KCNH8: variants seen among roughly 807,000 people sequenced by gnomAD.
KCNH8 encodes potassium voltage-gated channel subfamily H member 8, also known as voltage-gated delayed rectifier potassium channel KCNH8.
A neutral mutation model predicts 103.6 loss-of-function variants in KCNH8; 70 were observed. That is an observed-to-expected ratio of 0.68 (90% CI 0.56 to 0.82). The LOEUF (loss-of-function observed/expected upper bound fraction) is 0.82. Among genes scored for constraint, KCNH8 ranks in the 40% least tolerant of loss-of-function variants. The pLI is 0.00. For missense variants in KCNH8, 1,217 were observed against 1,329.9 expected, an observed-to-expected ratio of 0.92 and a Z score of 1.32; for synonymous variants, 498 against 489.4, an observed-to-expected ratio of 1.02 and a Z score of -0.23.
intron 2 of KCNH8, among the ~76,000 whole-genome samples, chr3:19,272,260 G>C (rs1451253826): frequency 1.3e-5 from 2 of 152,110 alleles, no homozygotes; most frequent in Admixed American, 6.5e-5. Context: ...AGGAGGTTTG[G>C]TTCCCAGTAA....
chr3:19,477,261 TATC>T (rs2067995972), intron 11 of KCNH8, among the ~76,000 whole-genome samples: 1 of 152,146 alleles, frequency 6.6e-6, no homozygotes. Context: ...TGATGTAAAA[TATC>T]ATAATGCTCC....
intron 3 of KCNH8, among the ~76,000 whole-genome samples, chr3:19,324,422 C>T (rs1450249053): frequency 6.6e-6 from 1 of 152,158 alleles, no homozygotes; most frequent in Non-Finnish European, 1.5e-5. Context: ...CTCATGAGAA[C>T]TCACTCACTA....
rs557156477 is a variant in KCNH8 at position 19,278,330 on chromosome 3, A to G, written c.311-2868A>G. On this transcript the variant is annotated intron_variant, in intron 2 of 15. Transcript: ENST00000328405. ...AAAATTGAGAAAGAAAAGCATAAAT[A>G]TACCTGAATATTCGTAAGATTATTG... Among the ~76,000 whole-genome samples, 32 of 151,946 alleles carry G rather than the reference A, an allele frequency of 2.1e-4. No homozygotes were observed. In the South Asian group the frequency reaches 6.0e-3, roughly 29 times the overall value.
chr3:19,518,148 G>T (rs991602399), intron 15 of KCNH8, 74 bp downstream of exon 15: 3 of 1,164,960 alleles, frequency 2.6e-6, no homozygotes, highest in African/African-American at 3.0e-5. Context: ...CAGAAGCAGT[G>T]TAATATAGTA....
At chr3:19,456,246 TTTTA>T (rs2067530545) in intron 10 of KCNH8, among the ~76,000 whole-genome samples, 2 of 152,074 alleles carry the variant, frequency 1.3e-5, no homozygotes, top group African/African-American at 4.8e-5. Flanking sequence ...AAACTCTATT[TTTTA>T]TTTGACATAC....
At chr3:19,275,222 G>A (rs1421266745) in intron 2 of KCNH8, among the ~76,000 whole-genome samples, 1 of 151,962 alleles carries the variant, frequency 6.6e-6, no homozygotes, top group Non-Finnish European at 1.5e-5. Flanking sequence ...TATTCTGCCA[G>A]TGTTTTTTCA....
chr3:19,416,568 A>G (rs1283297432), intron 7 of KCNH8, among the ~76,000 whole-genome samples: 1 of 152,094 alleles, frequency 6.6e-6, no homozygotes, highest in African/African-American at 2.4e-5. Flanking sequence ...TTATTCCCTC[A>G]TGTGTTTTGT....
At chr3:19,406,306 G>A (rs2066690312) in intron 7 of KCNH8, among the ~76,000 whole-genome samples, 1 of 151,906 alleles carries the variant, frequency 6.6e-6, no homozygotes, top group African/African-American at 2.4e-5. Context: ...TTAACCTTCG[G>A]AGACTTTTAG....
chr3:19,198,030 G>A (rs2063619305), intron 1 of KCNH8, among the ~76,000 whole-genome samples: 2 of 152,030 alleles, frequency 1.3e-5, no homozygotes, highest in African/African-American at 4.8e-5. Flanking sequence ...TTTCGGAAAG[G>A]TTGGATTAAG....
At chr3:19,432,490 A>G (rs566235547) in intron 7 of KCNH8, among the ~76,000 whole-genome samples, 1 of 152,334 alleles carries the variant, frequency 6.6e-6, no homozygotes, top group South Asian at 2.1e-4. Context: ...CATATCAATA[A>G]TAAAATAATT....
intron 2 of KCNH8, among the ~76,000 whole-genome samples, chr3:19,274,263 G>A (rs1279065954): frequency 6.6e-6 from 1 of 152,136 alleles, no homozygotes; most frequent in East Asian, 1.9e-4. Context: ...ATGTTGATCA[G>A]GTTGATCAGT....
At position 19,533,716 on chromosome 3, in the gene KCNH8, G is replaced by T; in HGVS notation, c.2941G>T (p.Ala981Ser). ...QRTGAHEQNP[A>S]DSELYHSPSL... ...AACTGGAGCTCATGAGCAAAATCCT[G>T]CAGACAGTGAACTTTATCATTCTCC... The change falls in exon 16 of 16, where the codon GCA (alanine) becomes TCA (serine). Residue 981 changes from alanine to serine, a missense_variant. This residue lies in a region of KCNH8 where 558 missense variants were observed against 495.8 expected (regional missense o/e 1.13). Transcript: ENST00000328405. 1 of 1,614,176 alleles carries T rather than the reference G, an allele frequency of 6.2e-7. No individual in the cohort carries two copies. Among genetic ancestry groups the T allele is most frequent in the East Asian group, 2.2e-5 (1 of 44,878 alleles).
chr3:19,279,744 C>T (rs143950898), intron 2 of KCNH8, among the ~76,000 whole-genome samples: 36 of 152,144 alleles, frequency 2.4e-4, no homozygotes, highest in East Asian at 2.1e-3. Flanking sequence ...ACTTTTATAT[C>T]AGATGGCTCC....
intron 10 of KCNH8, among the ~76,000 whole-genome samples, chr3:19,455,829 A>T (rs2067523352): frequency 6.6e-6 from 1 of 152,050 alleles, no homozygotes; most frequent in South Asian, 2.1e-4. Flanking sequence ...AAGTATGATG[A>T]CCCGAAAGTT....
chr3:19,438,855 C>T (rs2067238597), intron 8 of KCNH8, among the ~76,000 whole-genome samples: 1 of 152,180 alleles, frequency 6.6e-6, no homozygotes, highest in South Asian at 2.1e-4. Context: ...TCAGACTCTT[C>T]ACTCAGTTTC....
chr3:19,198,702 C>G (rs1022444788), intron 1 of KCNH8, among the ~76,000 whole-genome samples: 6 of 151,556 alleles, frequency 4.0e-5, no homozygotes, highest in African/African-American at 1.5e-4. Context: ...ACCATTATAA[C>G]AACCAGTGCC....
chr3:19,446,332 G>A (rs1415870348), intron 8 of KCNH8, among the ~76,000 whole-genome samples: 6 of 151,928 alleles, frequency 3.9e-5, no homozygotes, highest in African/African-American at 1.2e-4. Context: ...AACATATTCA[G>A]TTTCAATGAA....
chr3:19,306,057 A>C (rs188751007), intron 3 of KCNH8, among the ~76,000 whole-genome samples: 24 of 152,136 alleles, frequency 1.6e-4, no homozygotes, highest in African/African-American at 5.8e-4. Flanking sequence ...GTGTGAAAGA[A>C]ATGGGAGGAG....
intron 3 of KCNH8, among the ~76,000 whole-genome samples, chr3:19,291,061 T>C (rs2064915884): frequency 6.6e-6 from 1 of 152,210 alleles, no homozygotes; most frequent in Non-Finnish European, 1.5e-5. Context: ...CTGATGGTAG[T>C]TTGTATTTCT....
Sources: allele counts gnomAD v4.1 joint callset (sites outside exome capture counted in the v4.1 genomes callset), GRCh38; gene constraint gnomAD v4.1.1; regional missense constraint gnomAD v4.1.1; transcripts MANE v1.5; gene names NCBI Gene and HGNC (gene_info 2026-07-23, HGNC 2026-07-21).